Variants in CALCR observed in about 807,000 individuals in gnomAD.
CALCR encodes the protein calcitonin receptor.
Under a neutral mutation model 59.5 loss-of-function variants are expected in CALCR, and 47 were observed. That is an observed-to-expected ratio of 0.79 (90% CI 0.63 to 1.01). The LOEUF is 1.01. Among genes scored for constraint, CALCR ranks in the 50% least tolerant of loss-of-function variants. CALCR has a pLI of 0.00. For missense variants in CALCR, 566 were observed against 597.1 expected (o/e 0.95, Z 0.54); for synonymous variants, 213 against 211.3 (o/e 1.01, Z -0.07).
At position 93,435,814 on chromosome 7, in the gene CALCR, T is replaced by A. The variant is rs13234552; in HGVS notation, c.1149+138A>T. On this transcript the variant is annotated intron_variant, in intron 12 of 13. Coordinates refer to ENST00000426151, the MANE Select transcript of CALCR (RefSeq NM_001742.4). The stretch of plus-strand genomic sequence containing the variant: ...GAGCGAGACTCTGTGTCAAAAAAAA[T>A]AAAATAAAATAATAAATAAATAAAT... 56,153 of 229,306 alleles carry A rather than the reference T, an allele frequency of 0.24. 6,934 individuals carry two copies. The highest frequency in any genetic ancestry group is 0.39 in the Admixed American group (5,767 of 14,912). The allele number at this position is 229,306 out of a possible 1,614,324, so 14.2% of individuals were successfully genotyped here.
intron 3 of CALCR, among the ~76,000 whole-genome samples, chr7:93,482,439 T>A (rs962681756): frequency 7.2e-5 from 11 of 151,836 alleles, no homozygotes; most frequent in African/African-American, 2.7e-4. Context: ...GAACATGATG[T>A]CATATATAAA....
At chr7:93,573,777 C>A (rs1770061116) in intron 2 of CALCR, among the ~76,000 whole-genome samples, 1 of 152,194 alleles carries the variant, frequency 6.6e-6, no homozygotes, top group African/African-American at 2.4e-5. Context: ...TGAAGAATGG[C>A]TGCTATGCAT....
At chr7:93,459,857 C>T (rs1170918163) in intron 8 of CALCR, among the ~76,000 whole-genome samples, 1 of 152,156 alleles carries the variant, frequency 6.6e-6, no homozygotes, top group Middle Eastern at 3.2e-3. Flanking sequence ...TTTCAGCTCT[C>T]CTGTTCTCTA....
At chr7:93,529,146 T>C (rs74344424) in intron 2 of CALCR, among the ~76,000 whole-genome samples, 1 of 152,190 alleles carries the variant, frequency 6.6e-6, no homozygotes, top group Non-Finnish European at 1.5e-5. Flanking sequence ...TAATCCCCAG[T>C]GCTGAAGGTG....
intron 2 of CALCR, among the ~76,000 whole-genome samples, chr7:93,516,417 G>A (rs957794808): frequency 2.0e-5 from 3 of 151,800 alleles, no homozygotes; most frequent in Non-Finnish European, 4.4e-5. Context: ...TTGCTGCAAG[G>A]ATACTAAACT....
intron 9 of CALCR, among the ~76,000 whole-genome samples, chr7:93,443,247 T>C (rs992845770): frequency 2.6e-5 from 4 of 152,092 alleles, no homozygotes; most frequent in African/African-American, 9.7e-5. Flanking sequence ...AAATGTGAAA[T>C]TCTCCTTTGC....
Position 93,434,295 on chromosome 7 carries a change from C to T in CALCR, c.1150-1G>A. On this transcript the variant is annotated splice_acceptor_variant, in intron 12 of 13. Coordinates refer to ENST00000426151, the MANE Select transcript of CALCR (RefSeq NM_001742.4). LOFTEE classifies it high-confidence loss of function. ...AGTAGATGGTCGCAACAAAGAAGCC[C>T]TAAAAAGGGAAGGAAAAATACAGTT... 1 of 1,606,204 alleles carries T rather than the reference C, an allele frequency of 6.2e-7. No homozygotes were observed. Among genetic ancestry groups the T allele is most frequent in the East Asian group, 2.2e-5 (1 of 44,680 alleles).
intron 2 of CALCR, among the ~76,000 whole-genome samples, chr7:93,549,581 A>G (rs1789393565): frequency 6.6e-6 from 1 of 152,214 alleles, no homozygotes; most frequent in Non-Finnish European, 1.5e-5. Flanking sequence ...GAATAATTTT[A>G]GGTTAGGATT....
chr7:93,560,663 C>T (rs1335015171), intron 2 of CALCR, among the ~76,000 whole-genome samples: 1 of 152,040 alleles, frequency 6.6e-6, no homozygotes, highest in Non-Finnish European at 1.5e-5. Context: ...TTTGCTGTGA[C>T]CATGTGGACA....
intron 6 of CALCR, among the ~76,000 whole-genome samples, chr7:93,472,044 TAG>T (rs976739244): frequency 2.0e-5 from 3 of 151,890 alleles, no homozygotes; most frequent in East Asian, 1.9e-4. Flanking sequence ...AAAGAGATGT[TAG>T]AGAGTCCCTT....
chr7:93,506,963 C>G (rs1801438082), intron 2 of CALCR, among the ~76,000 whole-genome samples: 3 of 152,316 alleles, frequency 2.0e-5, no homozygotes, highest in South Asian at 2.1e-4. Flanking sequence ...TGCACATGCT[C>G]TCTTGTCTGC....
chr7:93,466,674 A>T (rs546624561), intron 7 of CALCR, among the ~76,000 whole-genome samples: 1 of 151,746 alleles, frequency 6.6e-6, no homozygotes, highest in Admixed American at 6.6e-5. Flanking sequence ...CCCCAGATTT[A>T]AGTTGCTGTT....
rs768611407 is a variant in CALCR at position 93,462,053 on chromosome 7, G to T, written c.522-1106C>A. ...AAGATGAAATACAAAAATAGCCTGG[G>T]TTTACTTACAATGCCTTCCTATATT... On this transcript the variant is annotated intron_variant, in intron 7 of 13. Coordinates refer to ENST00000426151, the MANE Select transcript of CALCR (RefSeq NM_001742.4). 5.0e-5 allele frequency: 73 copies of T among 1,450,766 alleles called. No individual in the cohort carries two copies. The Middle Eastern group carries it at 6.9e-4, about 14-fold the overall frequency. 89.9% of individuals were successfully genotyped at this position (1,450,766 alleles called of 1,614,324 possible).
intron 2 of CALCR, among the ~76,000 whole-genome samples, chr7:93,503,521 G>A (rs930651394): frequency 1.3e-5 from 2 of 152,152 alleles, no homozygotes; most frequent in African/African-American, 2.4e-5. Flanking sequence ...GGGATTGAAA[G>A]TGATTGATTT....
intron 9 of CALCR, among the ~76,000 whole-genome samples, chr7:93,441,234 T>C (rs1799896319): frequency 6.6e-6 from 1 of 152,178 alleles, no homozygotes; most frequent in Admixed American, 6.6e-5. Context: ...GGCAGATAGA[T>C]GTTTTGAACA....
rs1799819125 is a variant in CALCR, at chr7:93,438,066, T to A, written c.924A>T (p.Ala308=). ...LYIIHGPVMA[A]LVVNFFFLLN... is the part of the protein sequence containing the mutation. ...ATAAAAAACTAATTCTCACCACAAG[T>A]GCCGCCATGACAGGTCCATGGATTA... Residue 308 remains alanine, a synonymous_variant, in exon 11 of 14, where the codon GCA becomes GCT. Coordinates refer to ENST00000426151, the MANE Select transcript of CALCR (RefSeq NM_001742.4). 1.2e-6 allele frequency: 2 copies of A among 1,613,368 alleles called. No homozygotes were observed. The highest frequency in any genetic ancestry group is 4.5e-5 in the East Asian group (2 of 44,850).
intron 2 of CALCR, chr7:93,495,815 C>T: frequency 1.8e-6 from 2 of 1,130,616 alleles, no homozygotes; most frequent in Non-Finnish European, 2.5e-6. Flanking sequence ...TGATTTAGAA[C>T]ATGCAAATGA....
intron 2 of CALCR, among the ~76,000 whole-genome samples, chr7:93,563,242 A>G (rs1027944136): frequency 6.6e-6 from 1 of 152,150 alleles, no homozygotes; most frequent in Non-Finnish European, 1.5e-5. Context: ...AAGTGAGTGA[A>G]TAGGAAACTT....
At chr7:93,542,990 T>C (rs1789185730) in intron 2 of CALCR, among the ~76,000 whole-genome samples, 1 of 151,778 alleles carries the variant, frequency 6.6e-6, no homozygotes, top group Admixed American at 6.6e-5. Flanking sequence ...GTAGAAGGAG[T>C]ACATTCTAAA....
Sources: allele counts gnomAD v4.1 joint callset (sites outside exome capture counted in the v4.1 genomes callset), GRCh38; gene constraint gnomAD v4.1.1; transcripts MANE v1.5; gene names NCBI Gene and HGNC (gene_info 2026-07-23, HGNC 2026-07-21).